CDH4: variants seen among roughly 807,000 people sequenced by gnomAD.
The protein encoded by CDH4 is cadherin-4.
CDH4 carries 33 observed loss-of-function variants against 86.0 expected under a neutral mutation model. That is an observed-to-expected ratio of 0.38 (90% CI 0.29 to 0.51). The LOEUF (loss-of-function observed/expected upper bound fraction) is 0.51. CDH4 is among the 20% of genes least tolerant of loss of function. The probability of loss-of-function intolerance (pLI) is 0.86; values close to 1 mark genes in which losing one functional copy is unlikely to be tolerated. For missense variants in CDH4, 1,114 were observed against 1,307.4 expected, an observed-to-expected ratio of 0.85 and a Z score of 2.28; for synonymous variants, 555 against 549.4, an observed-to-expected ratio of 1.01 and a Z score of -0.14.
intron 2 of CDH4, among the ~76,000 whole-genome samples, chr20:61,683,786 T>A (rs986646740): frequency 6.6e-6 from 1 of 152,270 alleles, no homozygotes; most frequent in African/African-American, 2.4e-5. Context: ...GGCTCTGTGC[T>A]AAGTAAACGA....
At chr20:61,457,851 CTGG>C (rs1225289234) in intron 2 of CDH4, among the ~76,000 whole-genome samples, 1 of 143,014 alleles carries the variant, frequency 7.0e-6, no homozygotes, top group Non-Finnish European at 1.5e-5. Flanking sequence ...AGTGTTGACA[CTGG>C]TGGTGGTGGT....
At chr20:61,588,217 T>C (rs1180624934) in intron 2 of CDH4, among the ~76,000 whole-genome samples, 3 of 152,152 alleles carry the variant, frequency 2.0e-5, no homozygotes, top group Non-Finnish European at 4.4e-5. Flanking sequence ...TGAACTGGGA[T>C]TTGTAGACTG....
rs1013899397 is a variant in CDH4 at position 61,486,469 on chromosome 20, G to A, written c.169+231532G>A. 2.6e-5 allele frequency among the ~76,000 whole-genome samples: 4 copies of A among 152,254 alleles called. No homozygotes were observed. In the South Asian group the frequency reaches 6.2e-4, roughly 24 times the overall value. ...TCCAGGCTGCAGGAGGACAAGACTG[G>A]CTGTAGCTCTGAACGCTCATGGCTC... On this transcript the variant is annotated intron_variant, in intron 2 of 15. Coordinates refer to ENST00000614565, the MANE Select transcript of CDH4 (RefSeq NM_001794.5).
intron 6 of CDH4, among the ~76,000 whole-genome samples, chr20:61,858,053 CTG>C (rs1360466895): frequency 1.2e-4 from 16 of 138,810 alleles, no homozygotes; most frequent in Admixed American, 8.6e-4. Context: ...CTGTGTGTCT[CTG>C]TGTGTGTGTC....
chr20:61,897,665 A>T (rs1050730846), intron 8 of CDH4, among the ~76,000 whole-genome samples: 1 of 152,158 alleles, frequency 6.6e-6, no homozygotes, highest in Non-Finnish European at 1.5e-5. Context: ...ACTGGGGCAG[A>T]GGGTCCCCAT....
At chr20:61,434,585 T>C (rs1422882657) in intron 2 of CDH4, 1 of 152,176 alleles carries the variant, frequency 6.6e-6, no homozygotes, top group Non-Finnish European at 1.5e-5. Context: ...GAAATTGCTT[T>C]GGTGGCTCTG....
chr20:61,552,186 A>G (rs572038913), intron 2 of CDH4, among the ~76,000 whole-genome samples: 31 of 152,372 alleles, frequency 2.0e-4, no homozygotes, highest in African/African-American at 6.5e-4. Context: ...AAAAAAGTGA[A>G]AAGGCCATAG....
At position 61,929,711 on chromosome 20, in the gene CDH4, C is replaced by T. The variant is rs760357766; in HGVS notation, c.2108C>T (p.Thr703Met). ...TDSGNPPLSN[T>M]SIIKVKVCPC... ...TCTGGAAACCCTCCCCTGTCCAACA[C>T]GTCCATCATCAAAGTCAAGGTGTGC... The change falls in exon 13 of 16, where the codon ACG becomes ATG. Residue 703 changes from threonine to methionine, a missense_variant. By Grantham distance (81) the Thr-to-Met change is moderately conservative. Transcript: ENST00000614565. The T allele has an allele frequency of 5.6e-6, 9 of 1,614,080 alleles. No homozygotes were observed. Among genetic ancestry groups the T allele is most frequent in the East Asian group, 4.5e-5 (2 of 44,888 alleles).
Position 61,754,724 on chromosome 20 carries a change from T to G in CDH4, c.396+10935T>G, listed in dbSNP as rs1283783438. Among the ~76,000 whole-genome samples the G allele has an allele frequency of 8.0e-6, 1 of 125,634 alleles. No individual in the cohort carries two copies. The highest frequency in any genetic ancestry group is 1.6e-5 in the Non-Finnish European group (1 of 61,042). 82.4% of individuals were successfully genotyped at this position (125,634 alleles called of 152,430 possible). ...CATGCCACACACACCGCACACACACTGCACGCCCCGCACACACTATGCACA... is the reference window on the plus strand; with the variant it reads ...CATGCCACACACACCGCACACACACGGCACGCCCCGCACACACTATGCACA... On this transcript the variant is annotated intron_variant, in intron 3 of 15. Transcript: ENST00000614565. This position sits in a 1 kb window ranked among gnomAD's most constrained non-coding sequence, Gnocchi z 4.7.
intron 2 of CDH4, among the ~76,000 whole-genome samples, chr20:61,267,702 T>A (rs1192725567): frequency 4.6e-5 from 7 of 152,156 alleles, no homozygotes. Flanking sequence ...AGGTCTGCGT[T>A]GGGGAATGGA....
intron 6 of CDH4, among the ~76,000 whole-genome samples, chr20:61,861,800 G>T (rs988577187): frequency 6.6e-6 from 1 of 152,194 alleles, no homozygotes; most frequent in Admixed American, 6.5e-5. Context: ...GCAGTTTCCT[G>T]TAGGAAGAAG....
Position 61,773,216 on chromosome 20 carries a change from C to G in CDH4, c.576+34C>G, listed in dbSNP as rs373467854. ...AGACCCCTCCCGCGGGCACGGGGGT[C>G]TCGGCGTTAGCAGTAGGCTCTTCTC... On this transcript the variant is annotated intron_variant, in intron 4 of 15. Coordinates refer to ENST00000614565, the MANE Select transcript of CDH4 (RefSeq NM_001794.5). The G allele has an allele frequency of 1.3e-5, 19 of 1,495,308 alleles. No individual in the cohort carries two copies. In the African/African-American group the frequency reaches 2.6e-4, roughly 21 times the overall value. The allele number at this position is 1,495,308 out of a possible 1,614,324, so 92.6% of individuals were successfully genotyped here.
chr20:61,430,207 C>G, intron 2 of CDH4, among the ~76,000 whole-genome samples: 1 of 152,238 alleles, frequency 6.6e-6, no homozygotes, highest in East Asian at 1.9e-4. Flanking sequence ...TTTCCCTTAA[C>G]CCTCTGTTAA....
intron 2 of CDH4, among the ~76,000 whole-genome samples, chr20:61,531,706 G>A (rs1000380850): frequency 3.9e-5 from 6 of 152,274 alleles, no homozygotes; most frequent in Middle Eastern, 6.8e-3. Context: ...GATGCAGCAC[G>A]GTGGAGCCCC....
intron 3 of CDH4, among the ~76,000 whole-genome samples, chr20:61,764,486 G>A (rs778097058): frequency 4.1e-4 from 63 of 152,084 alleles, no homozygotes; most frequent in Non-Finnish European, 6.6e-4. Flanking sequence ...AGAGAGACCC[G>A]GGGCTGGAGA....
intron 2 of CDH4, among the ~76,000 whole-genome samples, chr20:61,399,452 A>G (rs1471454335): frequency 1.3e-5 from 2 of 152,130 alleles, no homozygotes; most frequent in East Asian, 3.9e-4. Flanking sequence ...TTTTAAAAAG[A>G]TTTTTTATTG....
intron 13 of CDH4, among the ~76,000 whole-genome samples, chr20:61,931,522 C>T (rs2055109515): frequency 3.9e-5 from 6 of 152,210 alleles, no homozygotes; most frequent in Admixed American, 3.3e-4. Context: ...CCGCCCCTCT[C>T]GCCTCCGGGC....
At chr20:61,762,062 C>T (rs1008218779) in intron 3 of CDH4, among the ~76,000 whole-genome samples, 28 of 152,256 alleles carry the variant, frequency 1.8e-4, no homozygotes, top group African/African-American at 6.5e-4. Flanking sequence ...CCTGGCTCTG[C>T]TGTGGGGATA....
intron 2 of CDH4, among the ~76,000 whole-genome samples, chr20:61,281,719 CACCAA>C (rs907716519): frequency 4.6e-5 from 7 of 152,234 alleles, no homozygotes; most frequent in Admixed American, 6.5e-5. Flanking sequence ...ACAAAGCAAA[CACCAA>C]ACCAAAGAGG....
Sources: allele counts gnomAD v4.1 joint callset (sites outside exome capture counted in the v4.1 genomes callset), GRCh38; gene constraint gnomAD v4.1.1; non-coding constraint Gnocchi (gnomAD v3.1); transcripts MANE v1.5; gene names NCBI Gene and HGNC (gene_info 2026-07-23, HGNC 2026-07-21).